The following CHST11 variants were observed in gnomAD, a reference collection of about 807,000 sequenced individuals.
The protein encoded by CHST11 is carbohydrate sulfotransferase 11.
CHST11 carries 9 observed loss-of-function variants against 30.4 expected under a neutral mutation model. The observed-to-expected ratio is 0.30, with a 90% CI of 0.18 to 0.52. The LOEUF (loss-of-function observed/expected upper bound fraction) is 0.52, where lower values mean the gene tolerates loss of function less well. Ranked by LOEUF, CHST11 falls within the 20% of genes least tolerant of loss-of-function variation. The pLI, the probability that CHST11 is intolerant of heterozygous loss-of-function variation, is 0.97. For synonymous variants in CHST11, 152 were observed against 187.8 expected (o/e 0.81, Z 1.56); for missense variants, 348 against 460.6 (o/e 0.76, Z 2.24).
chr12:104,567,255 T>G (rs1592766836), intron 1 of CHST11, among the ~76,000 whole-genome samples: 1 of 152,194 alleles, frequency 6.6e-6, no homozygotes, highest in Non-Finnish European at 1.5e-5. Context: ...GCACCTGAGA[T>G]GGAGGATGAC....
At chr12:104,601,871 C>G in intron 1 of CHST11, 35 bp from the exon 2 acceptor site, 1 of 1,526,614 alleles carries the variant, frequency 6.6e-7, no homozygotes, top group Non-Finnish European at 9.1e-7. Context: ...ATCTTTGTTG[C>G]TCATTTCTGA....
intron 1 of CHST11, among the ~76,000 whole-genome samples, chr12:104,476,036 A>T (rs12315283): frequency 7.0e-6 from 1 of 142,998 alleles, no homozygotes; most frequent in Non-Finnish European, 1.5e-5. Context: ...TAATATATAC[A>T]TATATGTAAT....
At chr12:104,608,066 G>A (rs1007536625) in intron 2 of CHST11, among the ~76,000 whole-genome samples, 2 of 152,104 alleles carry the variant, frequency 1.3e-5, no homozygotes, top group East Asian at 1.9e-4. Flanking sequence ...CACTGCTGGC[G>A]ATTCTGATTT....
chr12:104,474,569 G>A (rs1362736702), intron 1 of CHST11, among the ~76,000 whole-genome samples: 1 of 152,218 alleles, frequency 6.6e-6, no homozygotes, highest in Non-Finnish European at 1.5e-5. Context: ...CTGATAGTAA[G>A]TGCCTTCCTG....
At chr12:104,491,648 A>T (rs914541464) in intron 1 of CHST11, among the ~76,000 whole-genome samples, 1 of 151,508 alleles carries the variant, frequency 6.6e-6, no homozygotes, top group African/African-American at 2.4e-5. Context: ...GAAAAAAGAA[A>T]TTTTTTTTCA....
intron 2 of CHST11, among the ~76,000 whole-genome samples, chr12:104,610,492 C>T (rs1257189778): frequency 6.6e-6 from 1 of 152,204 alleles, no homozygotes; most frequent in Non-Finnish European, 1.5e-5. Flanking sequence ...GACCAAATGA[C>T]CTCGGCAGTT....
chr12:104,466,611 G>T (rs1296875596), intron 1 of CHST11, among the ~76,000 whole-genome samples: 3 of 152,204 alleles, frequency 2.0e-5, no homozygotes, highest in African/African-American at 7.2e-5. Flanking sequence ...CTTCAAAGAA[G>T]CCTGGGAAAT....
At chr12:104,512,378 A>G (rs2037973690) in intron 1 of CHST11, among the ~76,000 whole-genome samples, 1 of 152,164 alleles carries the variant, frequency 6.6e-6, no homozygotes, top group Non-Finnish European at 1.5e-5. Flanking sequence ...ACAAATATTT[A>G]TTATCGAGTG....
intron 1 of CHST11, among the ~76,000 whole-genome samples, chr12:104,539,157 G>A (rs965509844): frequency 2.6e-5 from 4 of 152,152 alleles, no homozygotes; most frequent in African/African-American, 4.8e-5. Context: ...GCTTGATAAC[G>A]CGACTCTTCA....
At chr12:104,679,332 G>A (rs1304519907) in intron 2 of CHST11, among the ~76,000 whole-genome samples, 8 of 152,064 alleles carry the variant, frequency 5.3e-5, no homozygotes, top group East Asian at 3.9e-4. Context: ...GGAGAGAGGC[G>A]AAGGGAGACC....
At chr12:104,520,952 T>C (rs73185404) in intron 1 of CHST11, among the ~76,000 whole-genome samples, 2,078 of 152,304 alleles carry the variant, frequency 0.014, 21 homozygotes, top group Admixed American at 0.021. Context: ...TAGAACATAT[T>C]CTGAATCTTA....
At chr12:104,493,900 T>G (rs554432288) in intron 1 of CHST11, among the ~76,000 whole-genome samples, 70 of 152,318 alleles carry the variant, frequency 4.6e-4, no homozygotes, top group African/African-American at 1.6e-3. Flanking sequence ...CTTGGCTCAC[T>G]GCAGCCTCCA....
chr12:104,503,406 G>A lies in CHST11; in HGVS notation c.118+45877G>A, dbSNP rs557531467. Reference sequence around the variant, plus strand: ...CCACACTTCCTGGCTATGTGGCCTCGGGCAAATCGTTAACACTATCAGAGC... The same window carrying A: ...CCACACTTCCTGGCTATGTGGCCTCAGGCAAATCGTTAACACTATCAGAGC... On this transcript the variant is annotated intron_variant, in intron 1 of 2. Transcript: ENST00000303694. Among the ~76,000 whole-genome samples, 8 of 152,284 alleles carry A rather than the reference G, an allele frequency of 5.3e-5. No individual in the cohort carries two copies. The East Asian group carries it at 7.7e-4, about 15-fold the overall frequency.
At chr12:104,487,196 T>C (rs2037688163) in intron 1 of CHST11, among the ~76,000 whole-genome samples, 1 of 152,234 alleles carries the variant, frequency 6.6e-6, no homozygotes, top group Admixed American at 6.5e-5. Flanking sequence ...TAATAATGAC[T>C]GTCTCTTCTT....
intron 2 of CHST11, among the ~76,000 whole-genome samples, chr12:104,659,851 G>A (rs374524238): frequency 6.1e-4 from 92 of 150,772 alleles, no homozygotes; most frequent in African/African-American, 2.1e-3. Flanking sequence ...GTATGGTGGC[G>A]TGCCCCTGTA....
chr12:104,475,805 A>T (rs1364974834), intron 1 of CHST11, among the ~76,000 whole-genome samples: 1 of 143,556 alleles, frequency 7.0e-6, no homozygotes, highest in Non-Finnish European at 1.5e-5. Flanking sequence ...ATATGTATTT[A>T]TATGTATATA....
chr12:104,752,674 C>T (rs750847540), intron 2 of CHST11, among the ~76,000 whole-genome samples: 2 of 152,160 alleles, frequency 1.3e-5, no homozygotes, highest in African/African-American at 2.4e-5. Context: ...ATCACAGGCA[C>T]CCGCCACCAC....
At chr12:104,755,019 T>C (rs1380479112) in intron 2 of CHST11, among the ~76,000 whole-genome samples, 1 of 152,164 alleles carries the variant, frequency 6.6e-6, no homozygotes, top group Non-Finnish European at 1.5e-5. Context: ...TGAGAGGAGA[T>C]GGACATGGAG....
chr12:104,494,595 T>C (rs1465825579), intron 1 of CHST11, among the ~76,000 whole-genome samples: 2 of 152,200 alleles, frequency 1.3e-5, no homozygotes, highest in Non-Finnish European at 2.9e-5. Context: ...TGCTAGCAGC[T>C]GACTGCCGAG....
Sources: allele counts gnomAD v4.1 joint callset (sites outside exome capture counted in the v4.1 genomes callset), GRCh38; gene constraint gnomAD v4.1.1; transcripts MANE v1.5; gene names NCBI Gene and HGNC (gene_info 2026-07-23, HGNC 2026-07-21).